The following PTPRQ variants were observed in gnomAD, a reference collection of about 807,000 sequenced individuals.
PTPRQ encodes phosphatidylinositol phosphatase PTPRQ.
PTPRQ carries 199 observed loss-of-function variants against 246.0 expected under a neutral mutation model. The observed-to-expected ratio is 0.81, with a 90% CI of 0.72 to 0.91. PTPRQ has a LOEUF of 0.91. Ranked by LOEUF, PTPRQ falls within the 40% of genes least tolerant of loss-of-function variation. The pLI is 0.00. For synonymous variants in PTPRQ, 869 were observed against 853.2 expected (o/e 1.02, Z -0.32); for missense variants, 2,624 against 2,528.4 (o/e 1.04, Z -0.81).
At chr12:80,563,053 A>G (rs1442102968) in intron 25 of PTPRQ, among the ~76,000 whole-genome samples, 1 of 152,184 alleles carries the variant, frequency 6.6e-6, no homozygotes, top group Non-Finnish European at 1.5e-5. Flanking sequence ...CTAATATGAA[A>G]TAGGTAATTT....
chr12:80,661,762 T>C (rs1044666241), intron 39 of PTPRQ, among the ~76,000 whole-genome samples: 2 of 151,802 alleles, frequency 1.3e-5, no homozygotes, highest in Admixed American at 1.3e-4. Flanking sequence ...CTGTATAATA[T>C]GGATAAACTT....
chr12:80,510,336 C>G lies in PTPRQ; in HGVS notation c.2571C>G (p.Pro857=), dbSNP rs1449814445. 1.3e-6 allele frequency: 2 copies of G among 1,544,606 alleles called. No homozygotes were observed. Among genetic ancestry groups the G allele is most frequent in the African/African-American group, 1.4e-5 (1 of 72,714 alleles). Residue 857 remains proline (P), a synonymous_variant, in exon 17 of 45, where the codon CCC becomes CCG. Coordinates refer to ENST00000644991, the MANE Select transcript of PTPRQ (RefSeq NM_001145026.2). ...CTAACTTTACAGCTCCTGATTCTCC[C>G]CCTCAAGACTTCTCTGTAAAACAGT... is the stretch of plus-strand genomic sequence containing the variant. ...ILTEEDAPDS[P]PQDFSVKQLS... is the part of the protein sequence containing the mutation.
chr12:80,547,867 G>T (rs1174658164), intron 24 of PTPRQ, among the ~76,000 whole-genome samples: 1 of 152,052 alleles, frequency 6.6e-6, no homozygotes, highest in Non-Finnish European at 1.5e-5. Context: ...GAATATTACT[G>T]TTGCCCCCAT....
At chr12:80,656,183 C>A (rs924342949) in intron 38 of PTPRQ, among the ~76,000 whole-genome samples, 3 of 152,014 alleles carry the variant, frequency 2.0e-5, no homozygotes, top group African/African-American at 7.2e-5. Context: ...TTAATCATTC[C>A]CATTTCTAAA....
chr12:80,517,063 T>G, intron 17 of PTPRQ, among the ~76,000 whole-genome samples: 1 of 152,192 alleles, frequency 6.6e-6, no homozygotes, highest in East Asian at 1.9e-4. Context: ...CTCTCTCAAC[T>G]CTTTCCTGAT....
At chr12:80,539,047 C>T (rs1178315322) in intron 19 of PTPRQ, among the ~76,000 whole-genome samples, 1 of 151,872 alleles carries the variant, frequency 6.6e-6, no homozygotes, top group Non-Finnish European at 1.5e-5. Context: ...GTTTAAGTCT[C>T]CTTTTATTTT....
At chr12:80,609,999 A>T (rs933948776) in intron 27 of PTPRQ, among the ~76,000 whole-genome samples, 6 of 150,562 alleles carry the variant, frequency 4.0e-5, no homozygotes, top group African/African-American at 1.2e-4. Flanking sequence ...AATAGTTGTT[A>T]TTAGCCCAAT....
chr12:80,557,443 T>A (rs546401772), intron 25 of PTPRQ, among the ~76,000 whole-genome samples: 1 of 151,052 alleles, frequency 6.6e-6, no homozygotes, highest in South Asian at 2.1e-4. Flanking sequence ...CAGAAAAGTA[T>A]CTGGCATACG....
At chr12:80,653,539 T>A (rs1427303618) in intron 38 of PTPRQ, among the ~76,000 whole-genome samples, 1 of 152,194 alleles carries the variant, frequency 6.6e-6, no homozygotes, top group Non-Finnish European at 1.5e-5. Context: ...TCCTGAAACG[T>A]TTCAAAGTCT....
intron 17 of PTPRQ, chr12:80,525,977 T>G (rs1895674108): frequency 6.6e-6 from 1 of 152,170 alleles, no homozygotes; most frequent in South Asian, 2.1e-4. Context: ...ACTAGCTCAG[T>G]GCCTGAAACA....
rs1337734404 is a variant in PTPRQ, at chr12:80,444,803, A to C, written c.117A>C (p.Thr39=). Residue 39 remains threonine, a synonymous_variant, in exon 2 of 45, where the codon ACA becomes ACC. Coordinates refer to ENST00000644991, the MANE Select transcript of PTPRQ (RefSeq NM_001145026.2). ...RYDITISSIS[T]TYTSPVTRIV... is the part of the protein sequence containing the mutation. ...ATATAACCATCTCTTCAATTTCTAC[A>C]ACATACACCTCACCTGTTACTAGAA... 6.5e-7 allele frequency: 1 copy of C among 1,539,128 alleles called. No homozygotes were observed.
At chr12:80,660,148 G>C (rs1030803429) in intron 39 of PTPRQ, among the ~76,000 whole-genome samples, 4 of 151,952 alleles carry the variant, frequency 2.6e-5, no homozygotes, top group Non-Finnish European at 5.9e-5. Flanking sequence ...ATGGATTCCG[G>C]GTTTCAATTT....
At chr12:80,509,703 G>A (rs1308886607) in intron 16 of PTPRQ, among the ~76,000 whole-genome samples, 3 of 152,058 alleles carry the variant, frequency 2.0e-5, no homozygotes, top group East Asian at 3.8e-4. Context: ...CACTATTACA[G>A]CAGAGTTACA....
intron 3 of PTPRQ, among the ~76,000 whole-genome samples, chr12:80,456,344 A>C (rs1301659648): frequency 1.3e-5 from 2 of 152,224 alleles, no homozygotes; most frequent in Non-Finnish European, 2.9e-5. Context: ...CCTATGTAGA[A>C]GTCAAAATAA....
chr12:80,634,863 C>A, intron 34 of PTPRQ, 82 bp from the exon 35 acceptor site: 1 of 1,501,654 alleles, frequency 6.7e-7, no homozygotes, highest in Non-Finnish European at 8.9e-7. Context: ...GACTAAATGT[C>A]TTTACTTAAA....
chr12:80,494,880 G>C, intron 10 of PTPRQ, 53 bp from the exon 11 acceptor site: 1 of 1,478,796 alleles, frequency 6.8e-7, no homozygotes. Flanking sequence ...AAATAATTTT[G>C]ATTGTGAAGC....
chr12:80,458,214 C>A (rs2120465311), intron 4 of PTPRQ, among the ~76,000 whole-genome samples: 1 of 152,222 alleles, frequency 6.6e-6, no homozygotes, highest in African/African-American at 2.4e-5. Context: ...TTTTCTCTCA[C>A]AGTACACATC....
intron 3 of PTPRQ, among the ~76,000 whole-genome samples, chr12:80,451,184 C>T (rs1892756396): frequency 6.6e-6 from 1 of 151,638 alleles, no homozygotes; most frequent in African/African-American, 2.4e-5. Flanking sequence ...TTGTAGTATT[C>T]TCTGATGGTA....
chr12:80,623,199 C>T (rs775263255), intron 33 of PTPRQ, among the ~76,000 whole-genome samples: 2 of 152,034 alleles, frequency 1.3e-5, no homozygotes, highest in Non-Finnish European at 2.9e-5. Context: ...CCATTTTTAG[C>T]CAGAAATTCT....
Sources: gnomAD v4.1 joint callset for allele counts (sites outside exome capture counted in the v4.1 genomes callset) on GRCh38, gnomAD v4.1.1 for gene constraint, MANE v1.5 for transcripts, NCBI Gene and HGNC (gene_info 2026-07-23, HGNC 2026-07-21) for gene names.